UBL3: variants seen among roughly 807,000 people sequenced by gnomAD.
UBL3 encodes ubiquitin like 3.
UBL3 carries 6 observed loss-of-function variants against 18.4 expected under a neutral mutation model. That is an observed-to-expected ratio of 0.33 (90% CI 0.18 to 0.64). The LOEUF (loss-of-function observed/expected upper bound fraction) is 0.64. Among genes scored for constraint, UBL3 ranks in the 30% least tolerant of loss-of-function variants. The pLI is 0.76. For missense variants in UBL3, 109 were observed against 142.9 expected, an observed-to-expected ratio of 0.76 and a Z score of 1.21; for synonymous variants, 49 against 46.6, an observed-to-expected ratio of 1.05 and a Z score of -0.21.
chr13:29,786,013 T>C (rs1345891596), intron 1 of UBL3, among the ~76,000 whole-genome samples: 1 of 152,178 alleles, frequency 6.6e-6, no homozygotes, highest in Non-Finnish European at 1.5e-5. Flanking sequence ...AGTGGTGTAG[T>C]ATATTTCAGG....
chr13:29,835,080 A>G lies in UBL3; in HGVS notation c.27+14432T>C, dbSNP rs564260283. On this transcript the variant is annotated intron_variant, in intron 1 of 4. Transcript: ENST00000380680. ...CTGGTCATGGCAGCAAATAAAATAT[A>G]TAAATATAAATATATATATATATAT... Among the ~76,000 whole-genome samples the G allele has an allele frequency of 3.5e-3, 310 of 88,728 alleles. 15 individuals are homozygous for G. The highest frequency in any genetic ancestry group is 0.018 in the African/African-American group (304 of 16,670). 58.2% of individuals were successfully genotyped at this position (88,728 alleles called of 152,430 possible). A position where few individuals can be genotyped will look rare whatever the true frequency, so the allele number is the denominator to read the frequency against.
chr13:29,790,733 T>G (rs1877460560), intron 1 of UBL3, among the ~76,000 whole-genome samples: 1 of 151,820 alleles, frequency 6.6e-6, no homozygotes, highest in African/African-American at 2.4e-5. Flanking sequence ...CTTTCCCATA[T>G]TACCTGTTAC....
intron 1 of UBL3, among the ~76,000 whole-genome samples, chr13:29,814,297 C>T (rs1878203553): frequency 6.6e-6 from 1 of 151,994 alleles, no homozygotes; most frequent in African/African-American, 2.4e-5. Context: ...TAAAACTGAG[C>T]CTGCCTGCTA....
chr13:29,828,150 A>G (rs1474311781), intron 1 of UBL3, among the ~76,000 whole-genome samples: 1 of 152,020 alleles, frequency 6.6e-6, no homozygotes, highest in Non-Finnish European at 1.5e-5. Flanking sequence ...TCTGATAATT[A>G]TGTGTCTTGG....
At chr13:29,774,210 T>C (rs1371879033) in intron 2 of UBL3, among the ~76,000 whole-genome samples, 3 of 152,140 alleles carry the variant, frequency 2.0e-5, no homozygotes, top group Admixed American at 6.5e-5. Context: ...ATACTATTTA[T>C]GGCAAAGACT....
intron 1 of UBL3, among the ~76,000 whole-genome samples, chr13:29,821,176 G>A (rs1878428191): frequency 6.6e-6 from 1 of 151,910 alleles, no homozygotes; most frequent in East Asian, 1.9e-4. Flanking sequence ...ACACAAAGAA[G>A]AAGCTTACTA....
intron 1 of UBL3, among the ~76,000 whole-genome samples, chr13:29,798,447 T>G (rs1877672331): frequency 6.6e-6 from 1 of 152,138 alleles, no homozygotes; most frequent in Non-Finnish European, 1.5e-5. Context: ...ATAATTACCA[T>G]GATCACAGAC....
chr13:29,821,508 C>T lies in UBL3; in HGVS notation c.27+28004G>A, dbSNP rs1228340780. On this transcript the variant is annotated intron_variant, in intron 1 of 4. Coordinates refer to ENST00000380680, the MANE Select transcript of UBL3 (RefSeq NM_007106.4). ...TTTATTGGTAAATCTAACTTTAAAA[C>T]CTCTAAAGTAAGATCGGGCTACTAC... Among the ~76,000 whole-genome samples the T allele has an allele frequency of 3.3e-5, 5 of 152,108 alleles. 1 individual carries two copies. The highest frequency in any genetic ancestry group is 3.3e-4 in the Admixed American group (5 of 15,262).
intron 1 of UBL3, among the ~76,000 whole-genome samples, chr13:29,787,480 C>T (rs1877353451): frequency 1.3e-5 from 2 of 152,222 alleles, no homozygotes; most frequent in South Asian, 4.1e-4. Context: ...AGAATTCTTG[C>T]AAATTATTGT....
chr13:29,765,360 T>C lies in UBL3; in HGVS notation c.*1895A>G, dbSNP rs1593646027. The C allele has an allele frequency of 6.6e-6, 1 of 152,142 alleles. No homozygotes were observed. The highest frequency in any genetic ancestry group is 2.4e-5 in the African/African-American group (1 of 41,444). The allele number at this position is 152,142 out of a possible 1,614,324, so 9.4% of individuals were successfully genotyped here. ...CATTTCAGCTAGTCAACAAAGCATATAAATATTTAACATCTCTTGAAGATA... is the reference window on the plus strand; with the variant it reads ...CATTTCAGCTAGTCAACAAAGCATACAAATATTTAACATCTCTTGAAGATA... On this transcript the variant is annotated 3_prime_UTR_variant, in exon 5 of 5. Coordinates refer to ENST00000380680, the MANE Select transcript of UBL3 (RefSeq NM_007106.4).
At chr13:29,819,597 T>C (rs1404764860) in intron 1 of UBL3, among the ~76,000 whole-genome samples, 1 of 152,216 alleles carries the variant, frequency 6.6e-6, no homozygotes, top group Non-Finnish European at 1.5e-5. Context: ...TGCTTACTTA[T>C]GATAATGAAT....
chr13:29,781,996 C>T (rs563313270), intron 1 of UBL3, among the ~76,000 whole-genome samples: 1 of 151,114 alleles, frequency 6.6e-6, no homozygotes, highest in African/African-American at 2.4e-5. Flanking sequence ...GAATGAGACC[C>T]CATCTCTAAA....
intron 1 of UBL3, among the ~76,000 whole-genome samples, chr13:29,806,328 T>C (rs1308231634): frequency 6.6e-6 from 1 of 152,240 alleles, no homozygotes; most frequent in Non-Finnish European, 1.5e-5. Flanking sequence ...TCTTCTTGTA[T>C]GGTTATTGAT....
chr13:29,770,137 C>T (rs527726484), intron 3 of UBL3, among the ~76,000 whole-genome samples: 1 of 152,056 alleles, frequency 6.6e-6, no homozygotes, highest in Non-Finnish European at 1.5e-5. Flanking sequence ...TTCTTCCACA[C>T]AGGCCACTCA....
intron 1 of UBL3, among the ~76,000 whole-genome samples, chr13:29,815,245 A>G (rs71434760): frequency 0.045 from 6,774 of 152,188 alleles, 214 homozygotes; most frequent in Middle Eastern, 0.092. Flanking sequence ...AGAGAATTCT[A>G]AAGACTCAGC....
Position 29,777,185 on chromosome 13 carries a change from C to T in UBL3, c.106G>A (p.Ala36Thr). 1 of 1,607,092 alleles carries T rather than the reference C, an allele frequency of 6.2e-7. No individual in the cohort carries two copies. Among genetic ancestry groups the T allele is most frequent in the South Asian group, 1.1e-5 (1 of 89,054 alleles). The stretch of plus-strand genomic sequence containing the variant: ...GGCCAATTGTCATATACATGCTTTG[C>T]AATGTCAGAAGCAGAATCGTTAGGA... ...FSPNDSASDI[A>T]KHVYDNWPMD... is the part of the protein sequence containing the mutation. Residue 36 changes from alanine (A) to threonine (T), a missense_variant, in exon 2 of 5, where the codon GCA (alanine) becomes ACA (threonine). Ala to Thr is a moderately conservative substitution (Grantham distance 58). Coordinates refer to ENST00000380680, the MANE Select transcript of UBL3 (RefSeq NM_007106.4).
At chr13:29,825,690 T>C (rs1205633172) in intron 1 of UBL3, among the ~76,000 whole-genome samples, 3 of 152,086 alleles carry the variant, frequency 2.0e-5, no homozygotes, top group South Asian at 2.1e-4. Context: ...ATACCCTTTC[T>C]TTCTCCTGCC....
rs950104572 is a variant in UBL3 at position 29,849,994 on chromosome 13, T to C, written c.-456A>G. On this transcript the variant is annotated 5_prime_UTR_variant, in exon 1 of 5. Coordinates refer to ENST00000380680, the MANE Select transcript of UBL3 (RefSeq NM_007106.4). ...ATGCCCCAGCGTGGATGTACACAGA[T>C]AACTATGTAGCTACACATCGACGCG... 1.1e-4 allele frequency: 22 copies of C among 206,344 alleles called. No homozygotes were observed. Among genetic ancestry groups the C allele is most frequent in the Non-Finnish European group, 1.1e-4 (11 of 99,596 alleles). 12.8% of individuals were successfully genotyped at this position (206,344 alleles called of 1,614,324 possible). A position where few individuals can be genotyped will look rare whatever the true frequency, so the allele number is the denominator to read the frequency against.
At chr13:29,833,244 C>T (rs1393015419) in intron 1 of UBL3, among the ~76,000 whole-genome samples, 1 of 150,614 alleles carries the variant, frequency 6.6e-6, no homozygotes, top group African/African-American at 2.5e-5. Context: ...GAAGGCGGAC[C>T]GCAGTGGATG....
Sources: gnomAD v4.1 joint callset for allele counts (sites outside exome capture counted in the v4.1 genomes callset) on GRCh38, gnomAD v4.1.1 for gene constraint, MANE v1.5 for transcripts, NCBI Gene and HGNC (gene_info 2026-07-23, HGNC 2026-07-21) for gene names.